Variants in KAZN observed in about 807,000 individuals in gnomAD.
KAZN encodes kazrin.
A neutral mutation model predicts 87.4 loss-of-function variants in KAZN; 40 were observed. The ratio of observed to expected loss-of-function variants is 0.46; its 90% confidence interval spans 0.36 to 0.60. KAZN has a LOEUF of 0.60. Among genes scored for constraint, KAZN ranks in the 20% least tolerant of loss-of-function variants. The pLI is 0.00. For missense variants in KAZN, 898 were observed against 1,073.9 expected (o/e 0.84, Z 2.29); for synonymous variants, 466 against 458.3 (o/e 1.02, Z -0.22).
At chr1:14,516,623 G>A (rs962478185) in intron 2 of KAZN, among the ~76,000 whole-genome samples, 10 of 152,220 alleles carry the variant, frequency 6.6e-5, no homozygotes, top group Non-Finnish European at 1.3e-4. Context: ...TGATGTTGGA[G>A]TCATTTTATT....
At chr1:15,012,958 C>T (rs1669725608) in intron 2 of KAZN, among the ~76,000 whole-genome samples, 1 of 152,146 alleles carries the variant, frequency 6.6e-6, no homozygotes, top group Non-Finnish European at 1.5e-5. Flanking sequence ...AGCTCACTCC[C>T]TCCCAACCCA....
rs924608446 is a variant in KAZN at position 15,022,187 on chromosome 1, AC to A, written c.419-12556del. The stretch of plus-strand genomic sequence containing the variant: ...TCCAGATGGCCAGGACGGGCCATGC[AC>A]CCCCCTCCCTCCCATCACTTCCCTG... On this transcript the variant is annotated intron_variant, in intron 2 of 14. Coordinates refer to ENST00000376030, the MANE Select transcript of KAZN (RefSeq NM_201628.3). Among the ~76,000 whole-genome samples the A allele has an allele frequency of 3.6e-4, 55 of 151,226 alleles. 2 individuals are homozygous for A.
chr1:13,950,157 G>A (rs1418871882), intron 1 of KAZN, among the ~76,000 whole-genome samples: 1 of 152,178 alleles, frequency 6.6e-6, no homozygotes, highest in Non-Finnish European at 1.5e-5. Flanking sequence ...TGTTTGGGCT[G>A]CACTTCCTCC....
chr1:14,940,969 G>A (rs990740558), intron 1 of KAZN, among the ~76,000 whole-genome samples: 2 of 136,358 alleles, frequency 1.5e-5, no homozygotes, highest in Non-Finnish European at 3.0e-5. Flanking sequence ...AGGCTGGAGT[G>A]CAGTGGTGCA....
At chr1:14,228,099 C>T (rs1376893153) in intron 2 of KAZN, among the ~76,000 whole-genome samples, 2 of 152,024 alleles carry the variant, frequency 1.3e-5, no homozygotes, top group Non-Finnish European at 2.9e-5. Context: ...CACCCTTAGT[C>T]CTCACTCTAC....
chr1:14,305,574 T>A (rs1179934191), intron 2 of KAZN, among the ~76,000 whole-genome samples: 2 of 151,986 alleles, frequency 1.3e-5, no homozygotes, highest in East Asian at 3.9e-4. Flanking sequence ...AAAGGAAAGA[T>A]CTGAACTCAA....
rs188207182 is a variant in KAZN, at chr1:14,665,451, G to A, written c.226+66228G>A. On this transcript the variant is annotated intron_variant, in intron 1 of 14. Coordinates refer to ENST00000376030, the MANE Select transcript of KAZN (RefSeq NM_201628.3). ...AAGTCATGCAATGGTTTCAGTCCCC[G>A]TCAAAATCAATTATTTAAGGGCTAT... is the stretch of plus-strand genomic sequence containing the variant. Among the ~76,000 whole-genome samples, 122 of 152,136 alleles carry A rather than the reference G, an allele frequency of 8.0e-4. 1 individual carries two copies. The highest frequency in any genetic ancestry group is 2.6e-3 in the African/African-American group (109 of 41,494).
chr1:14,352,690 T>C (rs976400197), intron 2 of KAZN, among the ~76,000 whole-genome samples: 4 of 152,126 alleles, frequency 2.6e-5, no homozygotes, highest in Admixed American at 1.3e-4. Context: ...AGAGATATAA[T>C]TGCAGGCCTC....
intron 1 of KAZN, among the ~76,000 whole-genome samples, chr1:14,081,237 C>T (rs1030055804): frequency 6.6e-6 from 1 of 152,064 alleles, no homozygotes; most frequent in Non-Finnish European, 1.5e-5. Context: ...TTAAAATGGC[C>T]ATGTCCAAGC....
chr1:15,036,434 C>G (rs1476578204), intron 3 of KAZN, among the ~76,000 whole-genome samples: 3 of 149,574 alleles, frequency 2.0e-5, no homozygotes, highest in African/African-American at 7.5e-5. Context: ...CCTGTTTGGC[C>G]TGGCTCCCTT....
intron 1 of KAZN, among the ~76,000 whole-genome samples, chr1:14,925,036 G>A (rs1222851081): frequency 6.6e-6 from 1 of 152,252 alleles, no homozygotes; most frequent in Non-Finnish European, 1.5e-5. Context: ...GCTAGGAGCG[G>A]AGAGATTGCT....
intron 2 of KAZN, among the ~76,000 whole-genome samples, chr1:14,318,503 C>T (rs1444940633): frequency 1.3e-5 from 2 of 151,706 alleles, no homozygotes; most frequent in Admixed American, 6.6e-5. Flanking sequence ...ACTGGTTTTC[C>T]GTAATTTGAT....
intron 1 of KAZN, among the ~76,000 whole-genome samples, chr1:14,132,328 G>A (rs1645008863): frequency 6.6e-6 from 1 of 152,156 alleles, no homozygotes; most frequent in Non-Finnish European, 1.5e-5. Flanking sequence ...AGGCAGAAAA[G>A]CAGGGGGTCA....
At chr1:14,199,640 T>A (rs532917065) in intron 2 of KAZN, among the ~76,000 whole-genome samples, 1 of 152,224 alleles carries the variant, frequency 6.6e-6, no homozygotes, top group South Asian at 2.1e-4. Flanking sequence ...GGGGATGAAG[T>A]AAGAAAAATT....
chr1:14,174,253 C>T (rs756650097), intron 1 of KAZN, among the ~76,000 whole-genome samples: 17 of 152,218 alleles, frequency 1.1e-4, no homozygotes, highest in East Asian at 3.9e-4. Context: ...AGGGAAGTTC[C>T]GCACGGTGGG....
intron 8 of KAZN, among the ~76,000 whole-genome samples, chr1:15,087,242 T>G (rs1640299265): frequency 6.6e-6 from 1 of 152,198 alleles, no homozygotes; most frequent in Non-Finnish European, 1.5e-5. Context: ...AAGGAACAGG[T>G]GACATGACTT....
chr1:13,922,331 G>A (rs1326241263), intron 1 of KAZN, among the ~76,000 whole-genome samples: 2 of 152,152 alleles, frequency 1.3e-5, no homozygotes, highest in African/African-American at 4.8e-5. Flanking sequence ...TGAAAGCTAC[G>A]TCTGTGTTTA....
chr1:13,996,623 A>C (rs1391004852), intron 1 of KAZN, among the ~76,000 whole-genome samples: 2 of 152,148 alleles, frequency 1.3e-5, no homozygotes, highest in Non-Finnish European at 2.9e-5. Flanking sequence ...ACTCTGACTC[A>C]TCTTTCCTCA....
intron 2 of KAZN, among the ~76,000 whole-genome samples, chr1:14,234,340 T>G: frequency 7.1e-6 from 1 of 141,338 alleles, no homozygotes; most frequent in African/African-American, 2.6e-5. Context: ...CACTCATAAG[T>G]GGGAGTTGAA....
Sources: allele counts gnomAD v4.1 joint callset (sites outside exome capture counted in the v4.1 genomes callset), GRCh38; gene constraint gnomAD v4.1.1; transcripts MANE v1.5; gene names NCBI Gene and HGNC (gene_info 2026-07-23, HGNC 2026-07-21).